LRRC8D: variants seen among roughly 807,000 people sequenced by gnomAD.
LRRC8D encodes volume-regulated anion channel subunit LRRC8D.
LRRC8D carries 20 observed loss-of-function variants against 55.8 expected under a neutral mutation model. The ratio of observed to expected loss-of-function variants is 0.36; its 90% CI spans 0.25 to 0.52. The LOEUF (loss-of-function observed/expected upper bound fraction) is 0.52. LRRC8D is among the 20% of genes least tolerant of loss of function. LRRC8D has a pLI of 0.93. For missense variants in LRRC8D, 651 were observed against 1,030.8 expected, an observed-to-expected ratio of 0.63 and a Z score of 5.05; for synonymous variants, 352 against 377.0, an observed-to-expected ratio of 0.93 and a Z score of 0.77.
At chr1:89,822,497 T>C (rs891396880) in intron 1 of LRRC8D, among the ~76,000 whole-genome samples, 4 of 152,226 alleles carry the variant, frequency 2.6e-5, no homozygotes, top group African/African-American at 7.2e-5. Context: ...TTGGAAGAGC[T>C]GATTTCTGGA....
chr1:89,860,954 A>G (rs1263134354), intron 2 of LRRC8D, among the ~76,000 whole-genome samples: 1 of 151,704 alleles, frequency 6.6e-6, no homozygotes, highest in Non-Finnish European at 1.5e-5. Flanking sequence ...TCTGGGATAA[A>G]GATAGGTAGA....
At position 89,843,621 on chromosome 1, in the gene LRRC8D, C is replaced by T. The variant is rs1450577420; in HGVS notation, c.-147-17C>T. 1 of 701,814 alleles carries T rather than the reference C, an allele frequency of 1.4e-6. No individual in the cohort carries two copies. Among genetic ancestry groups the T allele is most frequent in the Admixed American group, 2.0e-5 (1 of 49,910 alleles). 43.5% of individuals were successfully genotyped at this position (701,814 alleles called of 1,614,324 possible). On this transcript the variant is annotated splice_polypyrimidine_tract_variant and intron_variant, in intron 1 of 2. Coordinates refer to ENST00000337338, the MANE Select transcript of LRRC8D (RefSeq NM_001134479.2). ...TGGATCTCTCTAGCTCTTTCTCTCC[C>T]CTGTGTTTTCAAACAGGAAGTGCAC...
intron 2 of LRRC8D, among the ~76,000 whole-genome samples, chr1:89,858,465 A>G (rs1220526151): frequency 6.6e-6 from 1 of 152,236 alleles, no homozygotes; most frequent in Non-Finnish European, 1.5e-5. Context: ...TGTTAATTAT[A>G]TCTTCTGAAG....
At chr1:89,923,512 G>A (rs1270473164) in intron 2 of LRRC8D, among the ~76,000 whole-genome samples, 1 of 151,980 alleles carries the variant, frequency 6.6e-6, no homozygotes, top group Non-Finnish European at 1.5e-5. Flanking sequence ...ACTTCCCAAA[G>A]CAATATGTAG....
intron 1 of LRRC8D, among the ~76,000 whole-genome samples, chr1:89,827,430 G>A (rs774972451): frequency 4.6e-5 from 7 of 151,494 alleles, no homozygotes; most frequent in African/African-American, 1.2e-4. Flanking sequence ...CCCCAAATTC[G>A]TGGGCACCTA....
intron 2 of LRRC8D, among the ~76,000 whole-genome samples, chr1:89,871,056 T>C (rs1423888173): frequency 6.6e-6 from 1 of 152,200 alleles, no homozygotes; most frequent in Non-Finnish European, 1.5e-5. Context: ...TGAAGTTACT[T>C]CCTGTGGTGG....
intron 2 of LRRC8D, among the ~76,000 whole-genome samples, chr1:89,917,256 G>C (rs191462670): frequency 1.0e-3 from 155 of 152,192 alleles, no homozygotes; most frequent in African/African-American, 3.6e-3. Flanking sequence ...TCACAACCTA[G>C]TTTTAACTAC....
intron 2 of LRRC8D, among the ~76,000 whole-genome samples, chr1:89,869,134 T>A (rs1284865994): frequency 6.6e-6 from 1 of 152,186 alleles, no homozygotes; most frequent in Admixed American, 6.5e-5. Context: ...CTCGAGCTCC[T>A]GACCTCAGGT....
chr1:89,848,416 G>C (rs933580219), intron 2 of LRRC8D, among the ~76,000 whole-genome samples: 5 of 152,028 alleles, frequency 3.3e-5, no homozygotes, highest in African/African-American at 1.2e-4. Flanking sequence ...ATTTATCCCT[G>C]TTCTGCAGTG....
chr1:89,908,692 A>C (rs966620628), intron 2 of LRRC8D, among the ~76,000 whole-genome samples: 3 of 152,228 alleles, frequency 2.0e-5, no homozygotes, highest in African/African-American at 7.2e-5. Context: ...AATGCTTTAT[A>C]AGACAAAGCA....
In LRRC8D at chr1:89,935,572, T is replaced by C. The variant is rs1471582997; in HGVS notation, c.2504T>C (p.Phe835Ser). 4 of 1,614,032 alleles carry C rather than the reference T, an allele frequency of 2.5e-6. No homozygotes were observed. The highest frequency in any genetic ancestry group is 2.5e-6 in the Non-Finnish European group (3 of 1,180,050). Residue 835 changes from phenylalanine (F) to serine (S), a missense_variant, in exon 3 of 3, where the codon TTT becomes TCT. This residue lies in a region of LRRC8D where 338 missense variants were observed against 479.4 expected (regional missense o/e 0.71). Transcript: ENST00000337338. ...GGGCTTGTTGTGGAAGATCACCTTTTTGATACCCTGCCACTCGAAGTCAAA... is the reference window on the plus strand; with the variant it reads ...GGGCTTGTTGTGGAAGATCACCTTTCTGATACCCTGCCACTCGAAGTCAAA... Reference protein sequence around the residue: ...KSGLVVEDHLFDTLPLEVKEA... With the variant: ...KSGLVVEDHLSDTLPLEVKEA...
At chr1:89,927,574 G>T (rs1362055326) in intron 2 of LRRC8D, among the ~76,000 whole-genome samples, 2 of 152,158 alleles carry the variant, frequency 1.3e-5, no homozygotes, top group Non-Finnish European at 2.9e-5. Flanking sequence ...TGGAATTGCA[G>T]GGTCATAAAG....
chr1:89,897,048 A>G (rs1430310537), intron 2 of LRRC8D, among the ~76,000 whole-genome samples: 1 of 152,214 alleles, frequency 6.6e-6, no homozygotes, highest in Non-Finnish European at 1.5e-5. Flanking sequence ...AGCAGAGTGT[A>G]TTAGAAACTA....
intron 2 of LRRC8D, among the ~76,000 whole-genome samples, chr1:89,862,908 A>T (rs996414926): frequency 6.6e-6 from 1 of 152,224 alleles, no homozygotes; most frequent in East Asian, 1.9e-4. Flanking sequence ...GATTTCATGG[A>T]TGAGATATTC....
intron 1 of LRRC8D, among the ~76,000 whole-genome samples, chr1:89,831,084 T>A (rs989327950): frequency 2.6e-5 from 4 of 151,856 alleles, no homozygotes; most frequent in Non-Finnish European, 5.9e-5. Flanking sequence ...CTTTGTATTT[T>A]TAGGAGAGAG....
intron 2 of LRRC8D, among the ~76,000 whole-genome samples, chr1:89,907,467 A>G (rs1663026289): frequency 2.0e-5 from 3 of 152,010 alleles, no homozygotes; most frequent in Admixed American, 2.0e-4. Context: ...TGGGATTACA[A>G]GTGCGAGCCA....
chr1:89,839,758 G>T (rs1661088393), intron 1 of LRRC8D, among the ~76,000 whole-genome samples: 1 of 19,654 alleles, frequency 5.1e-5, no homozygotes, highest in African/African-American at 1.0e-4. Flanking sequence ...TGCTGTGAAG[G>T]CTGATAGTGC....
chr1:89,829,438 G>A (rs1303169072), intron 1 of LRRC8D, among the ~76,000 whole-genome samples: 1 of 152,186 alleles, frequency 6.6e-6, no homozygotes, highest in African/African-American at 2.4e-5. Flanking sequence ...AGTGGCGGAG[G>A]TGGAATTTGA....
rs565445665 is a variant in LRRC8D at position 89,867,206 on chromosome 1, T to C, written c.-3+23424T>C. Among the ~76,000 whole-genome samples, 4 of 152,318 alleles carry C rather than the reference T, an allele frequency of 2.6e-5. No homozygotes were observed. In the South Asian group the frequency reaches 8.3e-4, roughly 32 times the overall value. On this transcript the variant is annotated intron_variant, in intron 2 of 2. Coordinates refer to ENST00000337338, the MANE Select transcript of LRRC8D (RefSeq NM_001134479.2). ...CTCACCAGCCCCTGACCAACATTAA[T>C]CTGTAGATTTGCCTATTAAGGACAT...
Sources: gnomAD v4.1 joint callset for allele counts (sites outside exome capture counted in the v4.1 genomes callset) on GRCh38, gnomAD v4.1.1 for gene constraint, gnomAD v4.1.1 regional missense constraint, MANE v1.5 for transcripts, NCBI Gene and HGNC (gene_info 2026-07-23, HGNC 2026-07-21) for gene names.